Variants in ADAMTS17 observed in about 807,000 individuals in gnomAD.
ADAMTS17 encodes A disintegrin and metalloproteinase with thrombospondin motifs 17.
Under a neutral mutation model 141.5 loss-of-function variants are expected in ADAMTS17, and 113 were observed. The observed-to-expected ratio is 0.80, with a 90% confidence interval of 0.69 to 0.93. ADAMTS17 has a LOEUF of 0.93. ADAMTS17 is among the 40% of genes least tolerant of loss of function. The pLI is 0.00. For synonymous variants in ADAMTS17, 768 were observed against 630.6 expected (o/e 1.22, Z -3.27); for missense variants, 1,659 against 1,517.9 (o/e 1.09, Z -1.54).
At chr15:100,333,646 T>G (rs1399122834) in intron 2 of ADAMTS17, among the ~76,000 whole-genome samples, 2 of 152,236 alleles carry the variant, frequency 1.3e-5, no homozygotes, top group African/African-American at 4.8e-5. Context: ...CCACTGCCCT[T>G]GCTTCTGGCC....
intron 7 of ADAMTS17, among the ~76,000 whole-genome samples, chr15:100,234,550 C>T (rs1175930032): frequency 1.3e-5 from 2 of 152,234 alleles, no homozygotes; most frequent in Non-Finnish European, 2.9e-5. Context: ...ACACAGGGTG[C>T]GCAAAGCTGG....
intron 8 of ADAMTS17, among the ~76,000 whole-genome samples, chr15:100,171,238 G>C (rs368068819): frequency 1.2e-3 from 183 of 152,274 alleles, no homozygotes; most frequent in African/African-American, 4.3e-3. Flanking sequence ...AGCAGACAGT[G>C]CAAGGACAGA....
intron 10 of ADAMTS17, among the ~76,000 whole-genome samples, chr15:100,134,885 A>G (rs946881494): frequency 1.8e-4 from 27 of 152,182 alleles, no homozygotes; most frequent in African/African-American, 5.5e-4. Context: ...CCTCAAAGGA[A>G]TGGTAAAAAG....
In ADAMTS17 at chr15:100,087,878, C is replaced by T. The variant is rs933030100; in HGVS notation, c.2137+8478G>A. On this transcript the variant is annotated intron_variant, in intron 15 of 21. Coordinates refer to ENST00000268070, the MANE Select transcript of ADAMTS17 (RefSeq NM_139057.4). ...CTATCTATGACAAACCCACAGCCAA[C>T]ATCATACTGAATGGGCAAAAACTGG... 4.1e-4 allele frequency among the ~76,000 whole-genome samples: 62 copies of T among 152,142 alleles called. 1 individual carries two copies. Among genetic ancestry groups the T allele is most frequent in the Non-Finnish European group, 6.5e-4 (44 of 68,024 alleles).
chr15:99,986,238 C>G (rs1339219727), intron 20 of ADAMTS17, among the ~76,000 whole-genome samples: 1 of 152,238 alleles, frequency 6.6e-6, no homozygotes, highest in East Asian at 1.9e-4. Flanking sequence ...TGTAACTACC[C>G]TCTCGCGTGA....
intron 8 of ADAMTS17, among the ~76,000 whole-genome samples, chr15:100,172,529 T>C (rs901830895): frequency 6.6e-6 from 1 of 152,170 alleles, no homozygotes; most frequent in Admixed American, 6.5e-5. Flanking sequence ...GACTCACCTC[T>C]GGTCACCTCC....
At chr15:100,164,623 T>C (rs1162061878) in intron 8 of ADAMTS17, among the ~76,000 whole-genome samples, 1 of 152,152 alleles carries the variant, frequency 6.6e-6, no homozygotes, top group African/African-American at 2.4e-5. Context: ...CCCCTCGAGC[T>C]GAAAACTCAG....
At chr15:100,106,331 T>C (rs2036412795) in intron 14 of ADAMTS17, among the ~76,000 whole-genome samples, 1 of 152,212 alleles carries the variant, frequency 6.6e-6, no homozygotes, top group East Asian at 1.9e-4. Flanking sequence ...AGGGTATTCG[T>C]TAGAGCAGCC....
chr15:100,317,405 A>G (rs962452431), intron 3 of ADAMTS17, among the ~76,000 whole-genome samples: 1 of 152,158 alleles, frequency 6.6e-6, no homozygotes, highest in Non-Finnish European at 1.5e-5. Flanking sequence ...CCTCTGCCCC[A>G]TGAGCACCAG....
At chr15:100,133,457 T>G in intron 10 of ADAMTS17, 142 bp from the exon 11 acceptor site, 1 of 759,816 alleles carries the variant, frequency 1.3e-6, no homozygotes, top group Non-Finnish European at 2.3e-6. Flanking sequence ...TAAGTCTGTA[T>G]GTCCAAAATA....
rs148783504 is a variant in ADAMTS17 at position 100,244,382 on chromosome 15, T to C, written c.1075+9754A>G. Reference sequence around the variant, plus strand: ...AGGTTTAACTGCAGAGCCAATCTTGTCCACCACTGTCCTTGAGTGACTTAC... The same window carrying C: ...AGGTTTAACTGCAGAGCCAATCTTGCCCACCACTGTCCTTGAGTGACTTAC... On this transcript the variant is annotated intron_variant, in intron 7 of 21. Transcript: ENST00000268070. Among the ~76,000 whole-genome samples the C allele has an allele frequency of 6.8e-3, 943 of 137,960 alleles. 8 individuals are homozygous for C. The highest frequency in any genetic ancestry group is 0.024 in the African/African-American group (892 of 37,702). The allele number at this position is 137,960 out of a possible 152,430, so 90.5% of individuals were successfully genotyped here.
At chr15:100,175,658 C>T (rs771834343) in intron 8 of ADAMTS17, among the ~76,000 whole-genome samples, 2 of 152,058 alleles carry the variant, frequency 1.3e-5, no homozygotes, top group African/African-American at 4.8e-5. Context: ...CCTTTTGTCT[C>T]TTGGTTCTCA....
At chr15:100,136,438 T>C (rs927604863) in intron 10 of ADAMTS17, among the ~76,000 whole-genome samples, 2 of 152,162 alleles carry the variant, frequency 1.3e-5, no homozygotes, top group Non-Finnish European at 2.9e-5. Flanking sequence ...TGTGATACAT[T>C]TTCACTACTG....
chr15:100,301,223 C>T (rs2045020403), intron 3 of ADAMTS17, among the ~76,000 whole-genome samples: 1 of 152,052 alleles, frequency 6.6e-6, no homozygotes, highest in African/African-American at 2.4e-5. Context: ...TGTATTTCAA[C>T]TGGGGATTTT....
chr15:100,095,358 G>A (rs2035694427), intron 15 of ADAMTS17, among the ~76,000 whole-genome samples: 1 of 152,184 alleles, frequency 6.6e-6, no homozygotes, highest in Non-Finnish European at 1.5e-5. Context: ...CTTTCCCGCA[G>A]GCATCTAGAA....
chr15:100,232,956 A>T (rs1262764392), intron 7 of ADAMTS17, among the ~76,000 whole-genome samples: 1 of 152,150 alleles, frequency 6.6e-6, no homozygotes, highest in East Asian at 1.9e-4. Context: ...TTTTAAAGGG[A>T]GAGTATTGAG....
chr15:100,213,873 G>A (rs1281985009), intron 7 of ADAMTS17, among the ~76,000 whole-genome samples: 2 of 152,242 alleles, frequency 1.3e-5, no homozygotes, highest in African/African-American at 2.4e-5. Context: ...GGACCCCTGA[G>A]GGTCAGATAG....
At chr15:100,263,339 C>G (rs1249728209) in intron 4 of ADAMTS17, among the ~76,000 whole-genome samples, 2 of 152,212 alleles carry the variant, frequency 1.3e-5, no homozygotes, top group East Asian at 3.8e-4. Context: ...GTCACAATGG[C>G]TTGATTCAAA....
intron 15 of ADAMTS17, chr15:100,063,504 C>T (rs2033278161): frequency 2.4e-6 from 1 of 413,908 alleles, no homozygotes; most frequent in Non-Finnish European, 4.6e-6. Context: ...GGGGTGGCTG[C>T]ATGTTAGTCA....
Sources: allele counts gnomAD v4.1 joint callset (sites outside exome capture counted in the v4.1 genomes callset), GRCh38; gene constraint gnomAD v4.1.1; transcripts MANE v1.5; gene names NCBI Gene and HGNC (gene_info 2026-07-23, HGNC 2026-07-21).